PPP1R1B: variants seen among roughly 807,000 people sequenced by gnomAD.
The protein encoded by PPP1R1B is protein phosphatase 1 regulatory subunit 1B.
Under a neutral mutation model 28.2 loss-of-function variants are expected in PPP1R1B, and 13 were observed. That is an observed-to-expected ratio of 0.46 (90% CI 0.30 to 0.73). The LOEUF (loss-of-function observed/expected upper bound fraction) is 0.73, where lower values mean the gene tolerates loss of function less well. Ranked by LOEUF, PPP1R1B falls within the 30% of genes least tolerant of loss-of-function variation. PPP1R1B has a pLI of 0.07. For synonymous variants in PPP1R1B, 102 were observed against 97.5 expected, an observed-to-expected ratio of 1.05 and a Z score of -0.27; for missense variants, 236 against 256.7, an observed-to-expected ratio of 0.92 and a Z score of 0.55.
In PPP1R1B at chr17:39,627,366, C is replaced by G; in HGVS notation, c.-27C>G. On this transcript the variant is annotated 5_prime_UTR_variant, in exon 1 of 7. Transcript: ENST00000254079. ...CCGCCGGGACCCCGAGTCGCGCACCCCAGCCCCACCGCCCACCCCGCGCGC... is the reference window on the plus strand; with the variant it reads ...CCGCCGGGACCCCGAGTCGCGCACCGCAGCCCCACCGCCCACCCCGCGCGC... 6.4e-7 allele frequency: 1 copy of G among 1,551,740 alleles called. No homozygotes were observed. Among genetic ancestry groups the G allele is most frequent in the Non-Finnish European group, 8.8e-7 (1 of 1,136,018 alleles).
At chr17:39,633,705 C>G (rs1567849180) in intron 4 of PPP1R1B, 178 bp from the exon 5 acceptor site, 2 of 1,081,816 alleles carry the variant, frequency 1.8e-6, no homozygotes, top group Non-Finnish European at 2.6e-6. Flanking sequence ...TGCCTCTGCC[C>G]TGGTCTGACA....
At position 39,627,099 on chromosome 17, in the gene PPP1R1B, G is replaced by A. The variant is rs1361568699; in HGVS notation, c.-294G>A. On this transcript the variant is annotated 5_prime_UTR_variant, in exon 1 of 7. Coordinates refer to ENST00000254079, the MANE Select transcript of PPP1R1B (RefSeq NM_032192.4). Reference sequence around the variant, plus strand: ...ACACTCAGGAGGGGAGAGACACCGAGACGCAGAGACACCCAGGCCGGGGAG... The same window carrying A: ...ACACTCAGGAGGGGAGAGACACCGAAACGCAGAGACACCCAGGCCGGGGAG... The A allele has an allele frequency of 7.2e-6, 3 of 414,890 alleles. No homozygotes were observed. Among genetic ancestry groups the A allele is most frequent in the Non-Finnish European group, 1.3e-5 (3 of 234,372 alleles). The allele number at this position is 414,890 out of a possible 1,614,324, so 25.7% of individuals were successfully genotyped here.
Position 39,630,133 on chromosome 17 carries a change from G to T in PPP1R1B, c.241+86G>T, listed in dbSNP as rs1357461950. The T allele has an allele frequency of 3.9e-6, 5 of 1,282,754 alleles. No homozygotes were observed. In the African/African-American group the frequency reaches 7.4e-5, roughly 19 times the overall value. 79.5% of individuals were successfully genotyped at this position (1,282,754 alleles called of 1,614,324 possible). ...TAGGGGAGCTTTTGTCAGTGGGGAG[G>T]GATTGTTTCGCCACACATAGCCCGC... On this transcript the variant is annotated intron_variant, in intron 4 of 6. Transcript: ENST00000254079.
intron 4 of PPP1R1B, chr17:39,632,968 C>T (rs940379708): frequency 5.2e-5 from 8 of 152,410 alleles, no homozygotes; most frequent in South Asian, 2.1e-4. Flanking sequence ...AACTTTGTGT[C>T]GCATATGTTC....
At chr17:39,627,721 G>A (rs34773471) in intron 1 of PPP1R1B, among the ~76,000 whole-genome samples, 1,753 of 151,956 alleles carry the variant, frequency 0.012, 33 homozygotes, top group African/African-American at 0.04. Context: ...CTGGGGGTGC[G>A]GGGGTGGGGG....
Position 39,630,273 on chromosome 17 carries a change from T to C in PPP1R1B, c.241+226T>C, listed in dbSNP as rs928324863. Reference sequence around the variant, plus strand: ...AGCTATGGGCCTTAACATCGGGTTGTGGGCTTGAAAGAAAAGAGATGGCTG... The same window carrying C: ...AGCTATGGGCCTTAACATCGGGTTGCGGGCTTGAAAGAAAAGAGATGGCTG... On this transcript the variant is annotated intron_variant, in intron 4 of 6. Coordinates refer to ENST00000254079, the MANE Select transcript of PPP1R1B (RefSeq NM_032192.4). The C allele has an allele frequency of 4.3e-5, 23 of 535,644 alleles. No homozygotes were observed. The African/African-American group carries it at 4.4e-4, about 10-fold the overall frequency. The allele number at this position is 535,644 out of a possible 1,614,324, so 33.2% of individuals were successfully genotyped here. A position where few individuals can be genotyped will look rare whatever the true frequency, so the allele number is the denominator to read the frequency against.
At chr17:39,631,975 T>G (rs1238644231) in intron 4 of PPP1R1B, among the ~76,000 whole-genome samples, 1 of 152,092 alleles carries the variant, frequency 6.6e-6, no homozygotes, top group East Asian at 1.9e-4. Flanking sequence ...ACTGCAAGCA[T>G]GGGCGAACAG....
At chr17:39,630,500 T>C (rs759289246) in intron 4 of PPP1R1B, 9 of 175,472 alleles carry the variant, frequency 5.1e-5, no homozygotes, top group Non-Finnish European at 9.8e-5. Context: ...CCTTTCTCCA[T>C]GGAAAAGCAA....
At chr17:39,633,832 C>T (rs899975328) in intron 4 of PPP1R1B, 51 bp from the exon 5 acceptor site, 6 of 1,608,196 alleles carry the variant, frequency 3.7e-6, no homozygotes, top group Non-Finnish European at 5.1e-6. Flanking sequence ...TCTCCAGATC[C>T]ATGGGCTGTG....
intron 1 of PPP1R1B, among the ~76,000 whole-genome samples, chr17:39,628,212 T>A (rs569959009): frequency 2.8e-4 from 43 of 150,902 alleles, no homozygotes; most frequent in Admixed American, 2.2e-3. Context: ...GAGATGCAGC[T>A]GGCTCCCCAC....
intron 1 of PPP1R1B, 124 bp from the exon 2 acceptor site, chr17:39,629,046 G>T: frequency 1.2e-6 from 1 of 842,318 alleles, no homozygotes; most frequent in Non-Finnish European, 1.9e-6. Context: ...AGTTCCTTTT[G>T]GCTCTGACAG....
intron 4 of PPP1R1B, 74 bp from the exon 5 acceptor site, chr17:39,633,809 A>G (rs2144847803): frequency 6.3e-7 from 1 of 1,593,354 alleles, no homozygotes; most frequent in Non-Finnish European, 8.6e-7. Context: ...GCTGGGGGCT[A>G]GGCCACAGGC....
Position 39,627,266 on chromosome 17 carries a change from TC to T in PPP1R1B, c.-125del. ...CCCCTCGGCGGGCACGGTATTTTTA[TC>T]CGTGCGCGAACAGCCCTCCTCCTCC... On this transcript the variant is annotated 5_prime_UTR_variant, in exon 1 of 7. Coordinates refer to ENST00000254079, the MANE Select transcript of PPP1R1B (RefSeq NM_032192.4). The T allele has an allele frequency of 1.6e-6, 1 of 628,674 alleles. No individual in the cohort carries two copies. Among genetic ancestry groups the T allele is most frequent in the Admixed American group, 4.1e-5 (1 of 24,550 alleles). The allele number at this position is 628,674 out of a possible 1,614,324, so 38.9% of individuals were successfully genotyped here.
At chr17:39,627,507 C>G (rs565872755) in intron 1 of PPP1R1B, 34 bp downstream of exon 1, 21 of 1,327,222 alleles carry the variant, frequency 1.6e-5, no homozygotes, top group Non-Finnish European at 2.0e-5. Flanking sequence ...GGCAGCGTAC[C>G]CGACACACCC....
At chr17:39,629,746 G>A (rs2056862400) in intron 3 of PPP1R1B, among the ~76,000 whole-genome samples, 184 bp downstream of exon 3, 1 of 152,212 alleles carries the variant, frequency 6.6e-6, no homozygotes, top group Non-Finnish European at 1.5e-5. Flanking sequence ...CCTCTGCTCA[G>A]ACTCAGGGTG....
chr17:39,632,692 T>A (rs1266664715), intron 4 of PPP1R1B: 1 of 152,208 alleles, frequency 6.6e-6, no homozygotes, highest in Non-Finnish European at 1.5e-5. Context: ...TTTTATTGCC[T>A]GGATAGCTTG....
At chr17:39,626,721 A>C, upstream of PPP1R1B, 1 of 146,234 alleles carries the variant, frequency 6.8e-6, no homozygotes, top group East Asian at 2.0e-4. Context: ...TCTCTGCTGG[A>C]CTCCATCAAT....
Position 39,635,609 on chromosome 17 carries a change from G to A in PPP1R1B, c.448G>A (p.Gly150Arg). 1 of 1,613,496 alleles carries A rather than the reference G, an allele frequency of 6.2e-7. No individual in the cohort carries two copies. The highest frequency in any genetic ancestry group is 8.5e-7 in the Non-Finnish European group (1 of 1,179,544). Residue 150 changes from glycine to arginine, a missense_variant and splice_region_variant, in exon 6 of 7, where the codon GGG (glycine) becomes AGG (arginine). Physicochemically the swap from Gly to Arg is moderately radical, Grantham distance 125 (BLOSUM62 -2). Transcript: ENST00000254079. ...EVLKVIRQSA[G>R]QKTTCGQGLE... ...TATCTCTTCTTTCCCATCCCCAGCT[G>A]GGCAAAAGACAACCTGTGGCCAGGG...
At chr17:39,629,892 C>A in intron 3 of PPP1R1B, 80 bp from the exon 4 acceptor site, 1 of 1,377,174 alleles carries the variant, frequency 7.3e-7, no homozygotes, top group Non-Finnish European at 1.0e-6. Context: ...GCTTGGGTGG[C>A]CATGGGTGGG....
Sources: allele counts gnomAD v4.1 joint callset (sites outside exome capture counted in the v4.1 genomes callset), GRCh38; gene constraint gnomAD v4.1.1; transcripts MANE v1.5; gene names NCBI Gene and HGNC (gene_info 2026-07-23, HGNC 2026-07-21).